SCLT1: variants seen among roughly 807,000 people sequenced by gnomAD.
SCLT1 encodes the protein sodium channel and clathrin linker 1.
SCLT1 carries 78 observed loss-of-function variants against 112.8 expected under a neutral mutation model. The observed-to-expected ratio is 0.69, with a 90% confidence interval of 0.58 to 0.83. SCLT1 has a LOEUF of 0.83. Among genes scored for constraint, SCLT1 ranks in the 40% least tolerant of loss-of-function variants. The pLI is 0.00. For synonymous variants in SCLT1, 257 were observed against 254.7 expected (o/e 1.01, Z -0.09); for missense variants, 747 against 770.4 (o/e 0.97, Z 0.36).
At chr4:128,982,430 T>C (rs1579588889) in intron 9 of SCLT1, among the ~76,000 whole-genome samples, 1 of 152,212 alleles carries the variant, frequency 6.6e-6, no homozygotes, top group Admixed American at 6.5e-5. Flanking sequence ...AATAAATTGA[T>C]TGGACAAATT....
intron 6 of SCLT1, among the ~76,000 whole-genome samples, chr4:129,001,706 T>C (rs2126085375): frequency 6.6e-6 from 1 of 152,144 alleles, no homozygotes; most frequent in East Asian, 1.9e-4. Context: ...CTGAAAATAT[T>C]AAGCTAGGTA....
At chr4:128,895,858 C>T (rs1207626121) in intron 18 of SCLT1, among the ~76,000 whole-genome samples, 1 of 152,206 alleles carries the variant, frequency 6.6e-6, no homozygotes, top group Non-Finnish European at 1.5e-5. Flanking sequence ...GCTTTTCCAA[C>T]AGTCTTAGCA....
chr4:128,956,756 C>T (rs987395622), intron 13 of SCLT1, among the ~76,000 whole-genome samples: 1 of 151,602 alleles, frequency 6.6e-6, no homozygotes, highest in African/African-American at 2.4e-5. Context: ...ACAAAAAATA[C>T]AGATAAAGAA....
At chr4:129,036,054 T>C (rs1211623321) in intron 5 of SCLT1, among the ~76,000 whole-genome samples, 1 of 152,018 alleles carries the variant, frequency 6.6e-6, no homozygotes, top group Non-Finnish European at 1.5e-5. Context: ...ATATATAAGG[T>C]ATTTTCTTTA....
intron 16 of SCLT1, among the ~76,000 whole-genome samples, chr4:128,945,353 G>T (rs554961075): frequency 1.1e-4 from 16 of 152,188 alleles, no homozygotes; most frequent in African/African-American, 3.6e-4. Flanking sequence ...CTGCAGGTTT[G>T]ATCTGGAAGT....
At chr4:129,026,033 C>G (rs1398571990) in intron 5 of SCLT1, among the ~76,000 whole-genome samples, 1 of 152,164 alleles carries the variant, frequency 6.6e-6, no homozygotes, top group Non-Finnish European at 1.5e-5. Flanking sequence ...AATACAGGAG[C>G]ACCCACATAC....
At chr4:129,067,698 G>C (rs1357838587) in intron 2 of SCLT1, among the ~76,000 whole-genome samples, 6 of 152,020 alleles carry the variant, frequency 3.9e-5, no homozygotes. Flanking sequence ...TTTTAGTAGA[G>C]ATGGGGTTTC....
intron 2 of SCLT1, among the ~76,000 whole-genome samples, chr4:129,058,419 T>C (rs1222091938): frequency 6.6e-6 from 1 of 152,208 alleles, no homozygotes; most frequent in East Asian, 1.9e-4. Flanking sequence ...GTTTCCATTT[T>C]CACTTGTTTC....
At chr4:128,928,337 G>A (rs1224765702) in intron 18 of SCLT1, among the ~76,000 whole-genome samples, 1 of 152,016 alleles carries the variant, frequency 6.6e-6, no homozygotes, top group Non-Finnish European at 1.5e-5. Flanking sequence ...TCTCTCTCAT[G>A]AACATAGATA....
At chr4:128,919,692 A>G (rs1408385486) in intron 18 of SCLT1, among the ~76,000 whole-genome samples, 1 of 151,984 alleles carries the variant, frequency 6.6e-6, no homozygotes, top group African/African-American at 2.4e-5. Context: ...ATCCAAATAA[A>G]TAATCATAAT....
At chr4:129,078,378 G>A in intron 2 of SCLT1, among the ~76,000 whole-genome samples, 1 of 152,060 alleles carries the variant, frequency 6.6e-6, no homozygotes, top group East Asian at 1.9e-4. Flanking sequence ...GTCATCTGGG[G>A]CTTTAAAATA....
chr4:129,034,599 T>G (rs561816981), intron 5 of SCLT1, among the ~76,000 whole-genome samples: 113 of 151,088 alleles, frequency 7.5e-4, no homozygotes, highest in Non-Finnish European at 1.5e-3. Flanking sequence ...TATGCCTAAA[T>G]AAATATCTTA....
chr4:129,055,922 C>G (rs1048950888), intron 2 of SCLT1, among the ~76,000 whole-genome samples: 5 of 152,180 alleles, frequency 3.3e-5, no homozygotes, highest in African/African-American at 4.8e-5. Flanking sequence ...AATTCAAAGT[C>G]CTGGTGGTGT....
downstream of SCLT1, among the ~76,000 whole-genome samples, chr4:128,883,620 T>C (rs1271020247): frequency 6.6e-6 from 1 of 152,066 alleles, no homozygotes. Context: ...AATTTCTGAC[T>C]GATGGCTGAA....
chr4:128,963,294 T>G (rs1218690388), intron 11 of SCLT1, among the ~76,000 whole-genome samples: 1 of 152,220 alleles, frequency 6.6e-6, no homozygotes, highest in East Asian at 1.9e-4. Flanking sequence ...TGGTGAATTT[T>G]CCCTACTGAT....
chr4:129,027,444 G>A (rs2126136028), intron 5 of SCLT1, among the ~76,000 whole-genome samples: 1 of 152,296 alleles, frequency 6.6e-6, no homozygotes, highest in Middle Eastern at 3.4e-3. Context: ...TATGTCAATA[G>A]ATGCGGAAAA....
At chr4:128,962,207 C>G (rs1318074454) in intron 11 of SCLT1, among the ~76,000 whole-genome samples, 1 of 152,094 alleles carries the variant, frequency 6.6e-6, no homozygotes, top group Non-Finnish European at 1.5e-5. Context: ...AGTTTTTATG[C>G]TATTAGCATT....
At chr4:128,956,419 T>C (rs1739219155) in intron 13 of SCLT1, among the ~76,000 whole-genome samples, 1 of 152,090 alleles carries the variant, frequency 6.6e-6, no homozygotes, top group Non-Finnish European at 1.5e-5. Flanking sequence ...AGAAAGGATA[T>C]AGAAGATGAC....
intron 18 of SCLT1, among the ~76,000 whole-genome samples, chr4:128,919,967 G>A (rs318552): frequency 0.24 from 36,355 of 151,910 alleles, 5,536 homozygotes; most frequent in African/African-American, 0.43. Flanking sequence ...TCTACCAGAT[G>A]TAAGAGAAGA....
Sources: gnomAD v4.1 joint callset for allele counts (sites outside exome capture counted in the v4.1 genomes callset) on GRCh38, gnomAD v4.1.1 for gene constraint, MANE v1.5 for transcripts, NCBI Gene and HGNC (gene_info 2026-07-23, HGNC 2026-07-21) for gene names.